RYR3: variants seen among roughly 807,000 people sequenced by gnomAD.
The protein encoded by RYR3 is ryanodine receptor 3.
RYR3 carries 207 observed loss-of-function variants against 584.3 expected under a neutral mutation model. That is an observed-to-expected ratio of 0.35 (90% confidence interval 0.32 to 0.40). The LOEUF (loss-of-function observed/expected upper bound fraction) is 0.40. Ranked by LOEUF, RYR3 falls within the 10% of genes least tolerant of loss-of-function variation. RYR3 has a pLI of 1.00. For missense variants in RYR3, 5,616 were observed against 6,089.2 expected (o/e 0.92, Z 2.59); for synonymous variants, 2,416 against 2,248.5 (o/e 1.07, Z -2.11).
intron 1 of RYR3, among the ~76,000 whole-genome samples, chr15:33,414,633 C>A (rs996564575): frequency 6.6e-6 from 1 of 152,150 alleles, no homozygotes; most frequent in African/African-American, 2.4e-5. Flanking sequence ...TGGATGGAGT[C>A]TCGCTCTGTC....
intron 1 of RYR3, among the ~76,000 whole-genome samples, chr15:33,343,268 C>G (rs1370517047): frequency 6.6e-6 from 1 of 152,186 alleles, no homozygotes; most frequent in Non-Finnish European, 1.5e-5. Context: ...TGCCCTTACA[C>G]AATCACCCAC....
chr15:33,604,242 A>G (rs1280225750), intron 18 of RYR3, among the ~76,000 whole-genome samples: 4 of 152,260 alleles, frequency 2.6e-5, no homozygotes, highest in African/African-American at 9.6e-5. Context: ...TACAAAGGAA[A>G]AGTTTACCTC....
chr15:33,537,285 A>G lies in RYR3; in HGVS notation c.434-2065A>G, dbSNP rs142660681. ...TTTCATCTTCTTAGAAACATCAGCC[A>G]TCATCTAGGGAATTTCTGTTGCCTT... is the stretch of plus-strand genomic sequence containing the variant. On this transcript the variant is annotated intron_variant, in intron 5 of 103. Transcript: ENST00000634891. Among the ~76,000 whole-genome samples the G allele has an allele frequency of 9.7e-4, 148 of 152,314 alleles. 1 individual carries two copies. Among genetic ancestry groups the G allele is most frequent in the Non-Finnish European group, 7.4e-5 (5 of 68,020 alleles).
intron 76 of RYR3, among the ~76,000 whole-genome samples, chr15:33,819,431 G>A (rs1181555073): frequency 6.6e-6 from 1 of 152,092 alleles, no homozygotes; most frequent in Admixed American, 6.5e-5. Flanking sequence ...CAGCATTTTG[G>A]GAGGCCAAGG....
intron 43 of RYR3, 119 bp downstream of exon 43, chr15:33,707,173 C>T (rs562727759): frequency 1.7e-6 from 2 of 1,159,876 alleles, no homozygotes; most frequent in East Asian, 2.5e-5. Flanking sequence ...TGGTGGCTGG[C>T]AAGAGAAATC....
At chr15:33,803,063 C>T (rs1300880545) in intron 69 of RYR3, among the ~76,000 whole-genome samples, 1 of 152,238 alleles carries the variant, frequency 6.6e-6, no homozygotes, top group Non-Finnish European at 1.5e-5. Context: ...CTCCACCAAG[C>T]ATAGCTAGCT....
chr15:33,418,460 A>C (rs953792828), intron 1 of RYR3, among the ~76,000 whole-genome samples: 1 of 152,084 alleles, frequency 6.6e-6, no homozygotes, highest in African/African-American at 2.4e-5. Flanking sequence ...TCAGGTAGAG[A>C]AAAAAGCACA....
intron 2 of RYR3, among the ~76,000 whole-genome samples, chr15:33,501,544 T>C (rs2051990375): frequency 6.6e-6 from 1 of 152,148 alleles, no homozygotes; most frequent in Non-Finnish European, 1.5e-5. Context: ...ATGGGAAATC[T>C]CCAAATCATT....
chr15:33,392,749 G>C (rs1595950339), intron 1 of RYR3, among the ~76,000 whole-genome samples: 1 of 152,106 alleles, frequency 6.6e-6, no homozygotes, highest in East Asian at 1.9e-4. Flanking sequence ...GGCATTGAGG[G>C]GTTATGAGTG....
chr15:33,809,567 G>T (rs2076398344), intron 70 of RYR3, among the ~76,000 whole-genome samples: 1 of 151,554 alleles, frequency 6.6e-6, no homozygotes, highest in Non-Finnish European at 1.5e-5. Context: ...GGGTTCCCTG[G>T]GGCTGCTATT....
intron 81 of RYR3, 23 bp downstream of exon 81, chr15:33,823,095 A>G (rs1383257750): frequency 6.3e-7 from 1 of 1,599,004 alleles, no homozygotes; most frequent in Non-Finnish European, 8.5e-7. Flanking sequence ...AAACTACCAT[A>G]GCATTTAAAA....
chr15:33,768,857 A>C (rs2152883321), intron 61 of RYR3, 150 bp downstream of exon 61: 1 of 799,998 alleles, frequency 1.3e-6, no homozygotes, highest in East Asian at 2.5e-5. Flanking sequence ...GAAGCATGAT[A>C]AATGACCTCT....
chr15:33,549,400 A>G (rs928219368), intron 9 of RYR3, among the ~76,000 whole-genome samples: 6 of 152,270 alleles, frequency 3.9e-5, no homozygotes, highest in Non-Finnish European at 1.5e-5. Context: ...AGTGGTTTCA[A>G]AATTTCACAC....
chr15:33,311,117 C>G lies in RYR3; in HGVS notation c.51+21C>G. 1 of 1,557,304 alleles carries G rather than the reference C, an allele frequency of 6.4e-7. No homozygotes were observed. Among genetic ancestry groups the G allele is most frequent in the Non-Finnish European group, 8.7e-7 (1 of 1,151,230 alleles). ...GGACTGTGAGTCTCCGCGGCGGGGG[C>G]GAGGCCGTGGGCAGGTGGGGAGGAG... On this transcript the variant is annotated intron_variant, in intron 1 of 103. Transcript: ENST00000634891. The surrounding 1 kb of genome is among the most constrained non-coding windows in gnomAD (Gnocchi z 4.4).
chr15:33,555,537 C>T (rs1490408239), intron 10 of RYR3, among the ~76,000 whole-genome samples: 2 of 152,042 alleles, frequency 1.3e-5, no homozygotes, highest in African/African-American at 2.4e-5. Flanking sequence ...CAAGGAAAAC[C>T]TTGGGCTTCG....
chr15:33,400,041 C>T (rs1413455892), intron 1 of RYR3, among the ~76,000 whole-genome samples: 1 of 152,128 alleles, frequency 6.6e-6, no homozygotes, highest in African/African-American at 2.4e-5. Flanking sequence ...CTTCTTCTGA[C>T]TCCTTTCTCG....
At chr15:33,578,264 C>T (rs548367838) in intron 12 of RYR3, among the ~76,000 whole-genome samples, 1 of 152,114 alleles carries the variant, frequency 6.6e-6, no homozygotes, top group African/African-American at 2.4e-5. Flanking sequence ...TAGGTATATA[C>T]CCAAAGGAAT....
At chr15:33,383,910 C>T (rs2041383536) in intron 1 of RYR3, among the ~76,000 whole-genome samples, 1 of 152,174 alleles carries the variant, frequency 6.6e-6, no homozygotes, top group African/African-American at 2.4e-5. Context: ...TACATATACA[C>T]CATGGAATGC....
At chr15:33,394,429 G>C (rs940050810) in intron 1 of RYR3, among the ~76,000 whole-genome samples, 1 of 152,208 alleles carries the variant, frequency 6.6e-6, no homozygotes, top group African/African-American at 2.4e-5. Context: ...CAATTTACAT[G>C]TTATGTTCCA....
Sources: gnomAD v4.1 joint callset for allele counts (sites outside exome capture counted in the v4.1 genomes callset) on GRCh38, gnomAD v4.1.1 for gene constraint, Gnocchi (gnomAD v3.1) non-coding constraint, MANE v1.5 for transcripts, NCBI Gene and HGNC (gene_info 2026-07-23, HGNC 2026-07-21) for gene names.